The following DNTTIP2 variants were observed in gnomAD, a reference collection of about 807,000 sequenced individuals.
The protein encoded by DNTTIP2 is deoxynucleotidyltransferase terminal-interacting protein 2.
In DNTTIP2, 47 loss-of-function variants were observed where a neutral mutation model predicts 62.4. That is an observed-to-expected ratio of 0.75 (90% CI 0.60 to 0.96). The LOEUF is 0.96. DNTTIP2 is among the 40% of genes least tolerant of loss of function. The probability of loss-of-function intolerance (pLI) is 0.00; values close to 1 mark genes in which losing one functional copy is unlikely to be tolerated. For synonymous variants in DNTTIP2, 322 were observed against 300.9 expected (o/e 1.07, Z -0.73); for missense variants, 870 against 849.1 (o/e 1.02, Z -0.31).
rs1369640882 is a variant in DNTTIP2 at position 93,866,898 on chromosome 1, C to T, written c.*2953G>A. 6.6e-6 allele frequency: 1 copy of T among 152,222 alleles called. No individual in the cohort carries two copies. The highest frequency in any genetic ancestry group is 1.5e-5 in the Non-Finnish European group (1 of 68,096). 9.4% of individuals were successfully genotyped at this position (152,222 alleles called of 1,614,324 possible). A position where few individuals can be genotyped will look rare whatever the true frequency, so the allele number is the denominator to read the frequency against. On this transcript the variant is annotated 3_prime_UTR_variant, in exon 7 of 7. Transcript: ENST00000436063. ...GTGGCTCCTGCCTGTAATCCCAGCA[C>T]TTTGGGAGGCTGAGGCCGGTGGATC...
rs1264802284 is a variant in DNTTIP2 at position 93,869,579 on chromosome 1, A to G, written c.*272T>C. 2 of 315,112 alleles carry G rather than the reference A, an allele frequency of 6.3e-6. No individual in the cohort carries two copies. Among genetic ancestry groups the G allele is most frequent in the Non-Finnish European group, 6.0e-6 (1 of 168,040 alleles). 19.5% of individuals were successfully genotyped at this position (315,112 alleles called of 1,614,324 possible). A position where few individuals can be genotyped will look rare whatever the true frequency, so the allele number is the denominator to read the frequency against. ...ATTTTCTTTAAATAACTAAGCATTG[A>G]AAACTTTACAAACCATCAGTTATCT... is the stretch of plus-strand genomic sequence containing the variant. On this transcript the variant is annotated 3_prime_UTR_variant, in exon 7 of 7. Coordinates refer to ENST00000436063, the MANE Select transcript of DNTTIP2 (RefSeq NM_014597.5).
rs1656094073 is a variant in DNTTIP2 at position 93,879,152 on chromosome 1, T to A, written c.-4A>T. On this transcript the variant is annotated 5_prime_UTR_variant, in exon 1 of 7. Coordinates refer to ENST00000436063, the MANE Select transcript of DNTTIP2 (RefSeq NM_014597.5). ...GTGCAGATCTGGTAACCACCATCTT[T>A]CCGGCTCCCTCGCGACCACCACGAC... 6.2e-7 allele frequency: 1 copy of A among 1,612,328 alleles called. No individual in the cohort carries two copies.
In DNTTIP2 at chr1:93,869,993, A is replaced by G. The variant is rs769410233; in HGVS notation, c.2178-49T>C. On this transcript the variant is annotated intron_variant, in intron 6 of 6. Coordinates refer to ENST00000436063, the MANE Select transcript of DNTTIP2 (RefSeq NM_014597.5). ...TATGTTTGATATATCAGACATTAGA[A>G]GTTAATATAACCTTAGGGTAAAAGT... The G allele has an allele frequency of 4.0e-6, 3 of 753,112 alleles. No homozygotes were observed. The South Asian group carries it at 4.2e-5, about 11-fold the overall frequency. 46.7% of individuals were successfully genotyped at this position (753,112 alleles called of 1,614,324 possible). A position where few individuals can be genotyped will look rare whatever the true frequency, so the allele number is the denominator to read the frequency against.
Position 93,876,508 on chromosome 1 carries a change from C to A in DNTTIP2, c.1427G>T (p.Ser476Ile). The A allele has an allele frequency of 1.2e-6, 2 of 1,613,996 alleles. No homozygotes were observed. The highest frequency in any genetic ancestry group is 3.3e-5 in the Admixed American group (2 of 60,030). Residue 476 changes from serine (S) to isoleucine (I), a missense_variant, in exon 2 of 7, where the codon AGT becomes ATT. Transcript: ENST00000436063. ...ACATGACAGACTTCCTGTGTCTCCA[C>A]TTAATGACTCCCTTTGGCCACTATT... ...VENSGQRESL[S>I]GDTGSLSCDN...
At chr1:93,874,928 CG>C (rs1557718399) in intron 3 of DNTTIP2, among the ~76,000 whole-genome samples, 1 of 152,170 alleles carries the variant, frequency 6.6e-6, no homozygotes, top group East Asian at 1.9e-4. Context: ...TGGTGACAGT[CG>C]CTTGAAAAGG....
At chr1:93,871,997 A>T in intron 5 of DNTTIP2, 75 bp downstream of exon 5, 4 of 1,505,418 alleles carry the variant, frequency 2.7e-6, no homozygotes, top group Non-Finnish European at 3.6e-6. Context: ...TTTTAGGAGT[A>T]AACTTTAAAG....
At chr1:93,875,845 G>A in intron 2 of DNTTIP2, 62 bp from the exon 3 acceptor site, 1 of 1,497,734 alleles carries the variant, frequency 6.7e-7, no homozygotes, top group Non-Finnish European at 8.9e-7. Context: ...CATATAAGAT[G>A]GCATTTTAAA....
chr1:93,870,595 G>A (rs1022340886), intron 6 of DNTTIP2, 88 bp downstream of exon 6: 22 of 656,298 alleles, frequency 3.4e-5, no homozygotes, highest in Non-Finnish European at 4.5e-5. Context: ...TTATAAATGA[G>A]TTATTTTTAA....
At chr1:93,873,842 G>T (rs573449275) in intron 3 of DNTTIP2, among the ~76,000 whole-genome samples, 1 of 152,282 alleles carries the variant, frequency 6.6e-6, no homozygotes, top group South Asian at 2.1e-4. Context: ...TTTGTTACTT[G>T]ACTAGGATGA....
At chr1:93,878,803 A>G (rs1053030962) in intron 1 of DNTTIP2, 2 of 412,044 alleles carry the variant, frequency 4.9e-6, no homozygotes, top group Non-Finnish European at 8.8e-6. Context: ...AAGGTTTAAA[A>G]GTTCGAACTG....
chr1:93,874,112 A>G (rs1398502499), intron 3 of DNTTIP2, among the ~76,000 whole-genome samples: 2 of 152,242 alleles, frequency 1.3e-5, no homozygotes, highest in Admixed American at 1.3e-4. Context: ...AAAAGGGGGC[A>G]TGATATTTAC....
At chr1:93,875,526 A>G (rs1655977268) in intron 3 of DNTTIP2, 119 bp downstream of exon 3, 10 of 996,110 alleles carry the variant, frequency 1.0e-5, no homozygotes, top group Non-Finnish European at 1.4e-5. Context: ...AGAGAAGGAA[A>G]AAACTAACAC....
chr1:93,878,031 G>A (rs1169976874), intron 1 of DNTTIP2, 169 bp from the exon 2 acceptor site: 9 of 1,059,710 alleles, frequency 8.5e-6, no homozygotes, highest in African/African-American at 1.6e-5. Flanking sequence ...ATTTGGCCGG[G>A]CGCGGTGGCT....
chr1:93,874,905 G>T (rs574374613), intron 3 of DNTTIP2, among the ~76,000 whole-genome samples: 1 of 152,304 alleles, frequency 6.6e-6, no homozygotes, highest in South Asian at 2.1e-4. Flanking sequence ...GAGAAGCAAA[G>T]GCCTGCACTA....
rs527981577 is a variant in DNTTIP2 at position 93,868,043 on chromosome 1, G to GAA, written c.*1806_*1807dup. On this transcript the variant is annotated 3_prime_UTR_variant, in exon 7 of 7. Coordinates refer to ENST00000436063, the MANE Select transcript of DNTTIP2 (RefSeq NM_014597.5). ...ACTAAAGAGTTTCTGCACAGCAAAA[G>GAA]AAACTATTATCAGAGTGCACAGGCA... 269 of 152,198 alleles carry GAA rather than the reference G, an allele frequency of 1.8e-3. No individual in the cohort carries two copies. The highest frequency in any genetic ancestry group is 6.3e-3 in the African/African-American group (262 of 41,530). The allele number at this position is 152,198 out of a possible 1,614,324, so 9.4% of individuals were successfully genotyped here.
Position 93,876,576 on chromosome 1 carries a change from A to G in DNTTIP2, c.1359T>C (p.Ser453=). ...TATCCTCTTCATTCTCACTGTTTTCAGACTGTTGGCTTTCATCACTGCTGA... is the reference window on the plus strand; with the variant it reads ...TATCCTCTTCATTCTCACTGTTTTCGGACTGTTGGCTTTCATCACTGCTGA... The part of the protein sequence containing the change: ...LVLSSDESQQ[S]ENSENEEDTL... Residue 453 remains serine (S), a synonymous_variant, in exon 2 of 7, where the codon TCT becomes TCC. Coordinates refer to ENST00000436063, the MANE Select transcript of DNTTIP2 (RefSeq NM_014597.5). 3 of 1,614,016 alleles carry G rather than the reference A, an allele frequency of 1.9e-6. No homozygotes were observed. The highest frequency in any genetic ancestry group is 2.5e-6 in the Non-Finnish European group (3 of 1,179,894).
Position 93,866,434 on chromosome 1 carries a change from A to AT in DNTTIP2, c.*3416dup, listed in dbSNP as rs1181811763. On this transcript the variant is annotated 3_prime_UTR_variant, in exon 7 of 7. Coordinates refer to ENST00000436063, the MANE Select transcript of DNTTIP2 (RefSeq NM_014597.5). ...AATTCCATTAAGTAAACAATTAGGC[A>AT]TTTTTCAATGGTTTGGGATCTATTG... 2 of 152,220 alleles carry AT rather than the reference A, an allele frequency of 1.3e-5. No homozygotes were observed. The highest frequency in any genetic ancestry group is 2.9e-5 in the Non-Finnish European group (2 of 68,034). The allele number at this position is 152,220 out of a possible 1,614,324, so 9.4% of individuals were successfully genotyped here.
At position 93,869,759 on chromosome 1, in the gene DNTTIP2, A is replaced by C; in HGVS notation, c.*92T>G. 2 of 685,382 alleles carry C rather than the reference A, an allele frequency of 2.9e-6. No homozygotes were observed. The highest frequency in any genetic ancestry group is 2.6e-5 in the East Asian group (1 of 38,152). 42.5% of individuals were successfully genotyped at this position (685,382 alleles called of 1,614,324 possible). On this transcript the variant is annotated 3_prime_UTR_variant, in exon 7 of 7. Coordinates refer to ENST00000436063, the MANE Select transcript of DNTTIP2 (RefSeq NM_014597.5). The stretch of plus-strand genomic sequence containing the variant: ...TGTATGAACAGGGCCAGTCTATGGT[A>C]AATTAATTTAGATGATGGTGTTAGT...
At chr1:93,871,522 A>C (rs1282213765) in intron 5 of DNTTIP2, among the ~76,000 whole-genome samples, 1 of 152,194 alleles carries the variant, frequency 6.6e-6, no homozygotes, top group Non-Finnish European at 1.5e-5. Flanking sequence ...TTATGCAGGG[A>C]CTGGTATGTA....
Sources: gnomAD v4.1 joint callset for allele counts (sites outside exome capture counted in the v4.1 genomes callset) on GRCh38, gnomAD v4.1.1 for gene constraint, MANE v1.5 for transcripts, NCBI Gene and HGNC (gene_info 2026-07-23, HGNC 2026-07-21) for gene names.